FBN2: variants seen among roughly 807,000 people sequenced by gnomAD.
FBN2 encodes the protein fibrillin-2.
In FBN2, 105 loss-of-function variants were observed where a neutral mutation model predicts 355.6. That is an observed-to-expected ratio of 0.30 (90% CI 0.25 to 0.35). The LOEUF (loss-of-function observed/expected upper bound fraction) is 0.35, where lower values mean the gene tolerates loss of function less well. Ranked by LOEUF, FBN2 falls within the 10% of genes least tolerant of loss-of-function variation. The pLI is 1.00. For synonymous variants in FBN2, 1,350 were observed against 1,301.2 expected (o/e 1.04, Z -0.81); for missense variants, 3,280 against 3,758.7 (o/e 0.87, Z 3.33).
At chr5:128,338,461 G>C (rs893694855) in intron 26 of FBN2, among the ~76,000 whole-genome samples, 2 of 152,128 alleles carry the variant, frequency 1.3e-5, no homozygotes. Flanking sequence ...CAGGGTGAAG[G>C]AGAATCTTAG....
intron 7 of FBN2, among the ~76,000 whole-genome samples, chr5:128,413,434 A>G (rs551620756): frequency 1.8e-4 from 27 of 152,292 alleles, no homozygotes; most frequent in African/African-American, 6.0e-4. Flanking sequence ...GTCAAGTGTG[A>G]CTTCAAAGGG....
chr5:128,453,187 G>A (rs1466323670), intron 6 of FBN2, among the ~76,000 whole-genome samples: 1 of 152,150 alleles, frequency 6.6e-6, no homozygotes, highest in Non-Finnish European at 1.5e-5. Flanking sequence ...CTTGATATCT[G>A]CAGGACCCTG....
intron 34 of FBN2, among the ~76,000 whole-genome samples, chr5:128,324,746 T>A (rs1750497640): frequency 6.6e-6 from 1 of 151,950 alleles, no homozygotes; most frequent in Non-Finnish European, 1.5e-5. Context: ...GCCTCCTGAG[T>A]AGCTACGACT....
At chr5:128,283,879 T>C (rs1197311158) in intron 55 of FBN2, among the ~76,000 whole-genome samples, 1 of 152,202 alleles carries the variant, frequency 6.6e-6, no homozygotes, top group East Asian at 1.9e-4. Context: ...CTTTAGTCAC[T>C]CAAGCAAAAA....
chr5:128,368,433 T>C (rs990196370), intron 16 of FBN2, among the ~76,000 whole-genome samples: 1 of 135,264 alleles, frequency 7.4e-6, no homozygotes, highest in Non-Finnish European at 1.5e-5. Flanking sequence ...TATATATATA[T>C]ACACATATAT....
At chr5:128,435,252 T>TTCC (rs1447976995) in intron 7 of FBN2, among the ~76,000 whole-genome samples, 5 of 152,178 alleles carry the variant, frequency 3.3e-5, no homozygotes, top group Non-Finnish European at 7.3e-5. Flanking sequence ...GATACCCTAG[T>TTCC]TCCACATTTT....
chr5:128,342,216 T>C (rs749284290), intron 25 of FBN2, among the ~76,000 whole-genome samples: 1 of 151,334 alleles, frequency 6.6e-6, no homozygotes, highest in African/African-American at 2.4e-5. Flanking sequence ...ACCCAAGAAA[T>C]GGGAAAGGCA....
At chr5:128,521,883 A>T (rs1261914962) in intron 4 of FBN2, among the ~76,000 whole-genome samples, 1 of 152,160 alleles carries the variant, frequency 6.6e-6, no homozygotes, top group African/African-American at 2.4e-5. Context: ...AATTAAACCT[A>T]ATCTAATCTG....
At chr5:128,498,938 A>C (rs1184551829) in intron 5 of FBN2, among the ~76,000 whole-genome samples, 1 of 152,182 alleles carries the variant, frequency 6.6e-6, no homozygotes, top group Non-Finnish European at 1.5e-5. Flanking sequence ...CTTCCCATTC[A>C]TTTACAAGTC....
At chr5:128,303,978 T>C (rs1749791762) in intron 45 of FBN2, among the ~76,000 whole-genome samples, 1 of 152,134 alleles carries the variant, frequency 6.6e-6, no homozygotes, top group South Asian at 2.1e-4. Context: ...TTCCCTGCCA[T>C]TATAGGAGAA....
intron 3 of FBN2, among the ~76,000 whole-genome samples, chr5:128,528,655 G>A (rs1172537758): frequency 1.3e-5 from 2 of 152,144 alleles, no homozygotes; most frequent in Non-Finnish European, 2.9e-5. Flanking sequence ...GGCAGACAGG[G>A]AAGAGACCTT....
In FBN2 at chr5:128,507,285, C is replaced by G. The variant is rs1436210796; in HGVS notation, c.628+11988G>C. Among the ~76,000 whole-genome samples the G allele has an allele frequency of 2.6e-5, 4 of 151,922 alleles. No homozygotes were observed. The South Asian group carries it at 8.3e-4, about 32-fold the overall frequency. On this transcript the variant is annotated intron_variant, in intron 5 of 64. Transcript: ENST00000262464. ...GGATATTCATGTTATTTACAGCAGT[C>G]CCTTAGTATCTGCAGGGAACTGGTT...
In FBN2 at chr5:128,357,285, T is replaced by C; in HGVS notation, c.2665A>G (p.Ile889Val). The C allele has an allele frequency of 6.2e-7, 1 of 1,613,904 alleles. No homozygotes were observed. Among genetic ancestry groups the C allele is most frequent in the Non-Finnish European group, 8.5e-7 (1 of 1,179,810 alleles). The change falls in exon 20 of 65, where the codon ATC (isoleucine) becomes GTC (valine). Residue 889 changes from isoleucine (I) to valine (V), a missense_variant. Coordinates refer to ENST00000262464, the MANE Select transcript of FBN2 (RefSeq NM_001999.4). Reference sequence around the variant, plus strand: ...TGTGTATGAATCTTACCAATACAGATCAATCCTGTGGAGCTGAGTTTGCTG... The same window carrying C: ...TGTGTATGAATCTTACCAATACAGACCAATCCTGTGGAGCTGAGTTTGCTG... ...PGSKLSSTGL[I>V]CIDSLKGTCW...
At chr5:128,337,323 G>C (rs554095045) in intron 27 of FBN2, among the ~76,000 whole-genome samples, 2 of 152,294 alleles carry the variant, frequency 1.3e-5, no homozygotes, top group South Asian at 4.1e-4. Context: ...TGTGCAATCT[G>C]TTCTATTTTA....
chr5:128,531,585 T>C lies in FBN2; in HGVS notation c.338-892A>G, dbSNP rs567404750. On this transcript the variant is annotated intron_variant, in intron 2 of 64. Transcript: ENST00000262464. ...AAATAGAAACAAAAATAAAGTCATATGTAAGTAAACGTTACAGAATGAAAA... is the reference window on the plus strand; with the variant it reads ...AAATAGAAACAAAAATAAAGTCATACGTAAGTAAACGTTACAGAATGAAAA... Among the ~76,000 whole-genome samples, 15 of 152,248 alleles carry C rather than the reference T, an allele frequency of 9.9e-5. No individual in the cohort carries two copies. The South Asian group carries it at 2.5e-3, about 25-fold the overall frequency.
At chr5:128,269,992 C>A (rs1206398144) in intron 62 of FBN2, among the ~76,000 whole-genome samples, 2 of 152,144 alleles carry the variant, frequency 1.3e-5, no homozygotes, top group East Asian at 3.9e-4. Flanking sequence ...GGTACCAGAG[C>A]AGACATATAG....
intron 6 of FBN2, among the ~76,000 whole-genome samples, chr5:128,450,948 A>C (rs1318527388): frequency 6.6e-6 from 1 of 152,162 alleles, no homozygotes; most frequent in Admixed American, 6.5e-5. Context: ...AATAACCATC[A>C]ATATAAATTT....
intron 7 of FBN2, among the ~76,000 whole-genome samples, chr5:128,441,590 C>G (rs1753922658): frequency 6.6e-6 from 1 of 152,146 alleles, no homozygotes; most frequent in Non-Finnish European, 1.5e-5. Context: ...TAAATATTGT[C>G]TGGACTATAG....
chr5:128,484,278 G>C (rs1052183799), intron 5 of FBN2, among the ~76,000 whole-genome samples: 5 of 152,168 alleles, frequency 3.3e-5, no homozygotes, highest in African/African-American at 1.2e-4. Flanking sequence ...CTGAGCAAAA[G>C]TCATAATAGA....
Sources: allele counts gnomAD v4.1 joint callset (sites outside exome capture counted in the v4.1 genomes callset), GRCh38; gene constraint gnomAD v4.1.1; transcripts MANE v1.5; gene names NCBI Gene and HGNC (gene_info 2026-07-23, HGNC 2026-07-21).